LDLRAD4: variants seen among roughly 807,000 people sequenced by gnomAD.
The protein encoded by LDLRAD4 is low density lipoprotein receptor class A domain containing 4.
A neutral mutation model predicts 17.0 loss-of-function variants in LDLRAD4; 5 were observed. The observed-to-expected ratio is 0.29, with a 90% CI of 0.15 to 0.62. The LOEUF (loss-of-function observed/expected upper bound fraction) is 0.62. Among genes scored for constraint, LDLRAD4 ranks in the 20% least tolerant of loss-of-function variants. The probability of loss-of-function intolerance (pLI) is 0.84; values close to 1 mark genes in which losing one functional copy is unlikely to be tolerated. For missense variants in LDLRAD4, 340 were observed against 424.7 expected, an observed-to-expected ratio of 0.80 and a Z score of 1.75; for synonymous variants, 168 against 171.8, an observed-to-expected ratio of 0.98 and a Z score of 0.17.
rs542419785 is a variant in LDLRAD4, at chr18:13,618,920, C to T, written c.182-2197C>T. On this transcript the variant is annotated intron_variant, in intron 3 of 5. Transcript: ENST00000359446. ...CGGAGTCTCTCTGCTTCCTTTCATG[C>T]TTATCCCTGGGCTGGTGGCTGACCC... Among the ~76,000 whole-genome samples, 19 of 152,320 alleles carry T rather than the reference C, an allele frequency of 1.2e-4. No homozygotes were observed. The South Asian group carries it at 3.7e-3, about 30-fold the overall frequency.
chr18:13,608,540 C>A (rs756552111), intron 3 of LDLRAD4, among the ~76,000 whole-genome samples: 37 of 152,180 alleles, frequency 2.4e-4, no homozygotes, highest in Non-Finnish European at 4.0e-4. Flanking sequence ...TACTAACTTA[C>A]CATACTTGGA....
chr18:13,545,663 C>T (rs142054701), intron 3 of LDLRAD4, among the ~76,000 whole-genome samples: 10 of 152,210 alleles, frequency 6.6e-5, no homozygotes, highest in African/African-American at 1.2e-4. Context: ...AAACAAGCTG[C>T]GGGAACTGAG....
At chr18:13,232,188 C>T (rs868404189) in intron 1 of LDLRAD4, among the ~76,000 whole-genome samples, 3 of 152,252 alleles carry the variant, frequency 2.0e-5, no homozygotes, top group Non-Finnish European at 4.4e-5. Context: ...GCTCTCATCT[C>T]CTCCCTGTTA....
chr18:13,303,259 T>C (rs1452557646), intron 1 of LDLRAD4, among the ~76,000 whole-genome samples: 3 of 152,274 alleles, frequency 2.0e-5, no homozygotes, highest in East Asian at 3.9e-4. Flanking sequence ...CAATTTTTTT[T>C]CCCTAGAGGC....
At chr18:13,346,636 G>A (rs2082706319) in intron 1 of LDLRAD4, among the ~76,000 whole-genome samples, 3 of 152,116 alleles carry the variant, frequency 2.0e-5, no homozygotes, top group Admixed American at 6.6e-5. Flanking sequence ...CATCCTTGTT[G>A]ACTTTCTGTC....
At chr18:13,547,174 G>C (rs934016223) in intron 3 of LDLRAD4, among the ~76,000 whole-genome samples, 1 of 152,146 alleles carries the variant, frequency 6.6e-6, no homozygotes, top group African/African-American at 2.4e-5. Context: ...ATCCTTTGAG[G>C]TAGGAAGGAA....
chr18:13,424,265 C>G (rs530476379), intron 2 of LDLRAD4, among the ~76,000 whole-genome samples: 1 of 152,096 alleles, frequency 6.6e-6, no homozygotes, highest in Non-Finnish European at 1.5e-5. Flanking sequence ...TGGCTTTACA[C>G]GACTAATGGG....
chr18:13,351,414 A>G (rs975457830), intron 1 of LDLRAD4, among the ~76,000 whole-genome samples: 2 of 151,782 alleles, frequency 1.3e-5, no homozygotes, highest in Non-Finnish European at 2.9e-5. Flanking sequence ...TTCATTTGTG[A>G]TTTGTCTGTC....
At chr18:13,225,051 GTT>G in intron 1 of LDLRAD4, among the ~76,000 whole-genome samples, 3 of 150,602 alleles carry the variant, frequency 2.0e-5, no homozygotes, top group Admixed American at 6.6e-5. Flanking sequence ...GGCCAGGCTG[GTT>G]TCTCACTCCT....
At chr18:13,511,591 G>A (rs182639052) in intron 3 of LDLRAD4, among the ~76,000 whole-genome samples, 9 of 152,334 alleles carry the variant, frequency 5.9e-5, no homozygotes, top group African/African-American at 1.7e-4. Flanking sequence ...TATGGGTAAA[G>A]AAAGGAAATA....
intron 1 of LDLRAD4, among the ~76,000 whole-genome samples, chr18:13,371,690 G>A (rs1439223590): frequency 1.3e-5 from 2 of 151,172 alleles, no homozygotes; most frequent in African/African-American, 2.4e-5. Context: ...GCCTGAACCC[G>A]AGAGGCGGAG....
exon 6 of LDLRAD4, chr18:13,650,308 T>TTC (rs1248699946): frequency 1.2e-5 from 5 of 402,992 alleles, no homozygotes; most frequent in African/African-American, 2.1e-5. Context: ...GCTGTCTGAG[T>TTC]GTAGGAATGT....
chr18:13,396,512 C>A (rs1439523912), intron 2 of LDLRAD4, among the ~76,000 whole-genome samples: 1 of 152,160 alleles, frequency 6.6e-6, no homozygotes, highest in African/African-American at 2.4e-5. Context: ...TAGACAGGGT[C>A]TTGCTGTGTC....
chr18:13,465,296 G>A (rs79319846), intron 3 of LDLRAD4, among the ~76,000 whole-genome samples: 12,621 of 152,236 alleles, frequency 0.083, 1,123 homozygotes, highest in African/African-American at 0.22. Context: ...CAGGCTGCGT[G>A]TTTCATTGAT....
chr18:13,232,386 C>T (rs572339112), intron 1 of LDLRAD4, among the ~76,000 whole-genome samples: 1 of 152,216 alleles, frequency 6.6e-6, no homozygotes, highest in Non-Finnish European at 1.5e-5. Flanking sequence ...GAGCTTCTGT[C>T]CTGGTACAGT....
chr18:13,504,436 T>G (rs1669156820), intron 3 of LDLRAD4, among the ~76,000 whole-genome samples: 1 of 152,172 alleles, frequency 6.6e-6, no homozygotes, highest in South Asian at 2.1e-4. Context: ...TTATTTTATT[T>G]TGTGTTTTTG....
chr18:13,570,860 C>G (rs1359936446), intron 3 of LDLRAD4, among the ~76,000 whole-genome samples: 1 of 152,096 alleles, frequency 6.6e-6, no homozygotes. Context: ...ACTCTGTCAC[C>G]CAGCCTGGAG....
At chr18:13,555,768 G>A (rs1318419969) in intron 3 of LDLRAD4, among the ~76,000 whole-genome samples, 1 of 152,202 alleles carries the variant, frequency 6.6e-6, no homozygotes, top group African/African-American at 2.4e-5. Flanking sequence ...CAGATGGAAA[G>A]AAGTTTATAA....
chr18:13,247,203 C>T (rs888115098), intron 1 of LDLRAD4, among the ~76,000 whole-genome samples: 1 of 152,208 alleles, frequency 6.6e-6, no homozygotes, highest in Non-Finnish European at 1.5e-5. Context: ...CTTTCTGTCA[C>T]TAAGCCACCA....
Sources: gnomAD v4.1 joint callset for allele counts (sites outside exome capture counted in the v4.1 genomes callset) on GRCh38, gnomAD v4.1.1 for gene constraint, MANE v1.5 for transcripts, NCBI Gene and HGNC (gene_info 2026-07-23, HGNC 2026-07-21) for gene names.